The following IQSEC1 variants were observed in gnomAD, a reference collection of about 807,000 sequenced individuals.
IQSEC1 encodes IQ motif and SEC7 domain-containing protein 1.
Under a neutral mutation model 91.0 loss-of-function variants are expected in IQSEC1, and 31 were observed. That is an observed-to-expected ratio of 0.34 (90% confidence interval 0.26 to 0.46). The LOEUF is 0.46. Ranked by LOEUF, IQSEC1 falls within the 20% of genes least tolerant of loss-of-function variation. IQSEC1 has a pLI of 1.00. For missense variants in IQSEC1, 1,388 were observed against 1,575.6 expected (o/e 0.88, Z 2.02); for synonymous variants, 699 against 662.6 (o/e 1.05, Z -0.84).
At chr3:12,927,446 T>C (rs2600329) in intron 3 of IQSEC1, among the ~76,000 whole-genome samples, 112,226 of 147,120 alleles carry the variant, frequency 0.76, 42,498 homozygotes, top group African/African-American at 0.85. Flanking sequence ...CTTCCCCACA[T>C]AGGTGCATGC....
chr3:13,046,811 C>G (rs1559739757), intron 1 of IQSEC1, among the ~76,000 whole-genome samples: 2 of 152,212 alleles, frequency 1.3e-5, no homozygotes, highest in South Asian at 4.1e-4. Flanking sequence ...CCCCAATTCA[C>G]ATCGATGCAC....
intron 1 of IQSEC1, among the ~76,000 whole-genome samples, chr3:13,177,038 G>GGGGCT (rs1206114723): frequency 1.3e-5 from 2 of 152,234 alleles, no homozygotes; most frequent in Non-Finnish European, 2.9e-5. Context: ...GTGGATGTCA[G>GGGGCT]GGGCTGGGGA....
intron 1 of IQSEC1, among the ~76,000 whole-genome samples, chr3:13,013,474 G>A (rs1439903281): frequency 6.6e-6 from 1 of 152,194 alleles, no homozygotes; most frequent in Non-Finnish European, 1.5e-5. Context: ...GCCCACAAGG[G>A]ACTCAGGGAA....
intron 1 of IQSEC1, among the ~76,000 whole-genome samples, chr3:13,232,354 G>A (rs915004426): frequency 2.0e-5 from 3 of 152,228 alleles, no homozygotes; most frequent in Admixed American, 6.5e-5. Context: ...GGAGGAAGGG[G>A]GTCCACTGCC....
intron 1 of IQSEC1, among the ~76,000 whole-genome samples, chr3:13,057,682 C>A (rs549482780): frequency 1.3e-5 from 2 of 152,188 alleles, no homozygotes; most frequent in Admixed American, 6.5e-5. Context: ...CCAGACATCC[C>A]GCCTGCCAGC....
rs1278266546 is a variant in IQSEC1 at position 13,170,945 on chromosome 3, A to G, written c.273-6812T>C. ...AAACCCCATCTCTACTAAAAATACA[A>G]AAAAATTAGCCGGGCATGATGGTGA... On this transcript the variant is annotated intron_variant, in intron 1 of 15. Transcript: ENST00000648114. Among the ~76,000 whole-genome samples, 4 of 151,998 alleles carry G rather than the reference A, an allele frequency of 2.6e-5. No individual in the cohort carries two copies. In the East Asian group the frequency reaches 7.7e-4, roughly 29 times the overall value.
chr3:12,965,775 AGGGGCAG>A, intron 1 of IQSEC1, among the ~76,000 whole-genome samples: 1 of 152,120 alleles, frequency 6.6e-6, no homozygotes, highest in African/African-American at 2.4e-5. Flanking sequence ...GTCCTAATGG[AGGGGCAG>A]AAACCCCTCC....
chr3:12,935,368 G>T lies in IQSEC1; in HGVS notation c.1568+80C>A. The T allele has an allele frequency of 7.1e-7, 1 of 1,399,090 alleles. No individual in the cohort carries two copies. Among genetic ancestry groups the T allele is most frequent in the African/African-American group, 1.4e-5 (1 of 70,764 alleles). 86.7% of individuals were successfully genotyped at this position (1,399,090 alleles called of 1,614,324 possible). A position where few individuals can be genotyped will look rare whatever the true frequency, so the allele number is the denominator to read the frequency against. Reference sequence around the variant, plus strand: ...ACGGTGGACCTCAAGCTCCGTGCTTGGAAGGATGCAGCCACGCCCACCCGC... The same window carrying T: ...ACGGTGGACCTCAAGCTCCGTGCTTTGAAGGATGCAGCCACGCCCACCCGC... On this transcript the variant is annotated intron_variant, in intron 3 of 13. Transcript: ENST00000613206. The surrounding 1 kb of genome is among the most constrained non-coding windows in gnomAD (Gnocchi z 8.0).
At chr3:13,119,295 G>T (rs1404832515) in intron 2 of IQSEC1, among the ~76,000 whole-genome samples, 1 of 152,128 alleles carries the variant, frequency 6.6e-6, no homozygotes, top group Non-Finnish European at 1.5e-5. Flanking sequence ...CATTAAAAGG[G>T]CCTCAAGGAT....
At chr3:12,956,668 G>A (rs775272921) in intron 1 of IQSEC1, among the ~76,000 whole-genome samples, 6 of 152,176 alleles carry the variant, frequency 3.9e-5, no homozygotes, top group Non-Finnish European at 8.8e-5. Flanking sequence ...TCCCACCCTC[G>A]GCAGCCCCCT....
At position 12,899,484 on chromosome 3, in the gene IQSEC1, G is replaced by A. The variant is rs1321462196; in HGVS notation, c.*1499C>T. ...CTCGGGCACAGACCTGCCGCGTGCA[G>A]GTCTGGCCCTGGGGAGCGCATGGTG... On this transcript the variant is annotated 3_prime_UTR_variant, in exon 14 of 14. Transcript: ENST00000613206. 1 of 1,592,888 alleles carries A rather than the reference G, an allele frequency of 6.3e-7. No homozygotes were observed. The highest frequency in any genetic ancestry group is 2.3e-5 in the East Asian group (1 of 43,822).
rs1054434226 is a variant in IQSEC1 at position 13,193,724 on chromosome 3, C to T, written c.273-29591G>A. Among the ~76,000 whole-genome samples, 23 of 152,174 alleles carry T rather than the reference C, an allele frequency of 1.5e-4. No homozygotes were observed. Among genetic ancestry groups the T allele is most frequent in the Admixed American group, 7.9e-4 (12 of 15,278 alleles). ...CAGAGCTTAAGCCTCCCTCCTCCAA[C>T]GGGCTCTCCCTGGACACATGCTGTG... is the stretch of plus-strand genomic sequence containing the variant. On this transcript the variant is annotated intron_variant, in intron 1 of 15. Coordinates refer to the IQSEC1 transcript ENST00000648114. This position sits in a 1 kb window ranked among gnomAD's most constrained non-coding sequence, Gnocchi z 4.2.
chr3:13,272,368 G>A (rs1559290810), intron 1 of IQSEC1, among the ~76,000 whole-genome samples: 1 of 152,188 alleles, frequency 6.6e-6, no homozygotes, highest in African/African-American at 2.4e-5. Flanking sequence ...TCCATCCCTA[G>A]GTGAGAGACA....
In IQSEC1 at chr3:13,008,754, C is replaced by T. The variant is rs1702744783; in HGVS notation, c.23+64238G>A. ...CAGTCAATATTAGTTGGTCGAGTTA[C>T]TGATAGAACAACGCTCTTGATCCGG... On this transcript the variant is annotated intron_variant, in intron 1 of 13. Transcript: ENST00000613206. This position sits in a 1 kb window ranked among gnomAD's most constrained non-coding sequence, Gnocchi z 4.1. 6.6e-6 allele frequency among the ~76,000 whole-genome samples: 1 copy of T among 152,188 alleles called. No homozygotes were observed. Among genetic ancestry groups the T allele is most frequent in the South Asian group, 2.1e-4 (1 of 4,834 alleles).
At chr3:13,011,421 T>C (rs1259658824) in intron 1 of IQSEC1, among the ~76,000 whole-genome samples, 1 of 152,236 alleles carries the variant, frequency 6.6e-6, no homozygotes, top group Non-Finnish European at 1.5e-5. Context: ...TGCATAATGT[T>C]ATTTAATCCT....
At chr3:13,123,052 A>G (rs1706450709) in intron 2 of IQSEC1, among the ~76,000 whole-genome samples, 2 of 152,188 alleles carry the variant, frequency 1.3e-5, no homozygotes, top group African/African-American at 4.8e-5. Context: ...TTTAATGAAG[A>G]CTGTTCAAAG....
At chr3:13,250,403 C>T (rs1024836253) in intron 1 of IQSEC1, among the ~76,000 whole-genome samples, 4 of 150,504 alleles carry the variant, frequency 2.7e-5, no homozygotes, top group African/African-American at 9.8e-5. Flanking sequence ...TCAGCGAGTG[C>T]TATCAGCCCC....
chr3:12,936,091 C>A lies in IQSEC1; in HGVS notation c.925G>T (p.Asp309Tyr). Reference sequence around the variant, plus strand: ...TCCGACTCGGTGCTGGACGGCCGGTCCCCTGCCTGCGAGAGGGGCAGAGGG... The same window carrying A: ...TCCGACTCGGTGCTGGACGGCCGGTACCCTGCCTGCGAGAGGGGCAGAGGG... ...SPPLPLSQAG[D>Y]RPSSTESDLR... Residue 309 changes from aspartate (D) to tyrosine (Y), a missense_variant, in exon 3 of 14, where the codon GAC becomes TAC. By Grantham distance (160) the Asp-to-Tyr change is radical. Coordinates refer to ENST00000613206, the MANE Select transcript of IQSEC1 (RefSeq NM_001134382.3). 6.2e-7 allele frequency: 1 copy of A among 1,610,340 alleles called. No homozygotes were observed. The highest frequency in any genetic ancestry group is 8.5e-7 in the Non-Finnish European group (1 of 1,179,760).
chr3:13,045,645 C>G (rs1485654063), intron 1 of IQSEC1, among the ~76,000 whole-genome samples: 1 of 152,222 alleles, frequency 6.6e-6, no homozygotes, highest in African/African-American at 2.4e-5. Flanking sequence ...ATCCACACTC[C>G]CTGCATACCA....
Sources: gnomAD v4.1 joint callset for allele counts (sites outside exome capture counted in the v4.1 genomes callset) on GRCh38, gnomAD v4.1.1 for gene constraint, Gnocchi (gnomAD v3.1) non-coding constraint, MANE v1.5 for transcripts, NCBI Gene and HGNC (gene_info 2026-07-23, HGNC 2026-07-21) for gene names.